HCRTR1: variants seen among roughly 807,000 people sequenced by gnomAD.
HCRTR1 encodes hypocretin receptor 1.
A neutral mutation model predicts 40.6 loss-of-function variants in HCRTR1; 28 were observed. The observed-to-expected ratio is 0.69, with a 90% CI of 0.51 to 0.95. The LOEUF is 0.95. Among genes scored for constraint, HCRTR1 ranks in the 40% least tolerant of loss-of-function variants. The pLI, the probability that HCRTR1 is intolerant of heterozygous loss-of-function variation, is 0.00. For missense variants in HCRTR1, 482 were observed against 564.7 expected, an observed-to-expected ratio of 0.85 and a Z score of 1.48; for synonymous variants, 209 against 230.0, an observed-to-expected ratio of 0.91 and a Z score of 0.83.
In HCRTR1 at chr1:31,623,605, G is replaced by A. The variant is rs755298261; in HGVS notation, c.821G>A (p.Gly274Glu). The A allele has an allele frequency of 3.1e-6, 5 of 1,613,564 alleles. No individual in the cohort carries two copies. Among genetic ancestry groups the A allele is most frequent in the Non-Finnish European group, 4.2e-6 (5 of 1,180,008 alleles). The change falls in exon 7 of 9, where the codon GGA (glycine) becomes GAA (glutamate). Residue 274 changes from glycine (G) to glutamate (E), a missense_variant. Gly to Glu is a moderately conservative substitution (Grantham distance 98). Transcript: ENST00000403528. The part of the protein sequence containing the change: ...QLGDLEQGLS[G>E]EPQPRARAFL... ...GGGGACCTGGAGCAGGGCCTGAGTG[G>A]AGAGCCCCAGCCCCGGGCCCGCGCC...
rs1312871175 is a variant in HCRTR1 at position 31,626,800 on chromosome 1, G to C, written c.1098G>C (p.Arg366=). Residue 366 remains arginine (R), a synonymous_variant, in exon 9 of 9, where the codon CGG becomes CGC. Coordinates refer to ENST00000403528, the MANE Select transcript of HCRTR1 (RefSeq NM_001525.3). This position sits in a 1 kb window ranked among gnomAD's most constrained non-coding sequence, Gnocchi z 4.6. ...TGTCTCCCAACCAAGGCAAATTCCG[G>C]GAGCAGTTTAAGGCTGCCTTCTCCT... is the stretch of plus-strand genomic sequence containing the variant. ...IIYNFLSGKF[R]EQFKAAFSCC... 6.2e-7 allele frequency: 1 copy of C among 1,613,228 alleles called. No homozygotes were observed. Among genetic ancestry groups the C allele is most frequent in the South Asian group, 1.1e-5 (1 of 90,996 alleles).
In HCRTR1 at chr1:31,619,256, C is replaced by T. The variant is rs1414591897; in HGVS notation, c.64C>T (p.Pro22Ser). 6.2e-7 allele frequency: 1 copy of T among 1,613,880 alleles called. No individual in the cohort carries two copies. Among genetic ancestry groups the T allele is most frequent in the Non-Finnish European group, 8.5e-7 (1 of 1,180,048 alleles). ...CCCCCCTGGCAGCAGAGAGCCGTCC[C>T]CTGTGCCTCCAGACTATGAAGATGA... ...GVPPGSREPS[P>S]VPPDYEDEFL... Residue 22 changes from proline to serine, a missense_variant, in exon 3 of 9, where the codon CCT becomes TCT. Pro to Ser is a moderately conservative substitution (Grantham distance 74). Transcript: ENST00000403528.
At chr1:31,631,359 C>G (rs1640098969), downstream of HCRTR1, among the ~76,000 whole-genome samples, 7 of 152,202 alleles carry the variant, frequency 4.6e-5, no homozygotes, top group South Asian at 1.4e-3. Context: ...TCATGTAAAG[C>G]ACTTAGCACA....
intron 7 of HCRTR1, 125 bp downstream of exon 7, chr1:31,623,874 C>G: frequency 1.5e-6 from 1 of 668,354 alleles, no homozygotes; most frequent in Non-Finnish European, 2.6e-6. Flanking sequence ...GGCCATTTCT[C>G]TTCTCTGAGC....
chr1:31,618,943 A>G, intron 2 of HCRTR1, 108 bp from the exon 3 acceptor site: 3 of 527,780 alleles, frequency 5.7e-6, no homozygotes, highest in Non-Finnish European at 1.0e-5. Flanking sequence ...CACCAATTTC[A>G]TGACTGTGAG....
chr1:31,619,215 G>A lies in HCRTR1; in HGVS notation c.23G>A (p.Gly8Glu), dbSNP rs1409834318. 4 of 1,612,596 alleles carry A rather than the reference G, an allele frequency of 2.5e-6. No individual in the cohort carries two copies. Among genetic ancestry groups the A allele is most frequent in the East Asian group, 4.5e-5 (2 of 44,866 alleles). MEPSATP[G>E]AQMGVPPGSR... Reference sequence around the variant, plus strand: ...CTCATGGAGCCCTCAGCCACCCCAGGGGCCCAGATGGGGGTCCCCCCTGGC... The same window carrying A: ...CTCATGGAGCCCTCAGCCACCCCAGAGGCCCAGATGGGGGTCCCCCCTGGC... Residue 8 changes from glycine (G) to glutamate (E), a missense_variant, in exon 3 of 9, where the codon GGG becomes GAG. Coordinates refer to ENST00000403528, the MANE Select transcript of HCRTR1 (RefSeq NM_001525.3).
chr1:31,626,778 C>A lies in HCRTR1; in HGVS notation c.1088-12C>A. The A allele has an allele frequency of 6.4e-7, 1 of 1,551,198 alleles. No individual in the cohort carries two copies. On this transcript the variant is annotated splice_polypyrimidine_tract_variant and intron_variant, in intron 8 of 8. Coordinates refer to ENST00000403528, the MANE Select transcript of HCRTR1 (RefSeq NM_001525.3). The surrounding 1 kb of genome is among the most constrained non-coding windows in gnomAD (Gnocchi z 4.6). ...GTCTCCTTATGGCTGTGTCTTTTGT[C>A]TCCCAACCAAGGCAAATTCCGGGAG...
At chr1:31,624,934 C>A in intron 7 of HCRTR1, 63 bp from the exon 8 acceptor site, 1 of 1,492,092 alleles carries the variant, frequency 6.7e-7, no homozygotes, top group African/African-American at 1.4e-5. Flanking sequence ...CTGTGAGCAG[C>A]ACTCCCCCAG....
chr1:31,622,171 G>T (rs1639870371), intron 6 of HCRTR1, among the ~76,000 whole-genome samples: 1 of 152,228 alleles, frequency 6.6e-6, no homozygotes, highest in Non-Finnish European at 1.5e-5. Flanking sequence ...TCCAGGGCCT[G>T]TCTTCTTTCC....
chr1:31,633,048 C>A, downstream of HCRTR1: 1 of 1,310,000 alleles, frequency 7.6e-7, no homozygotes. Flanking sequence ...CACAGTCCTC[C>A]CTGGTCAATG....
chr1:31,620,267 C>A (rs1639824224), intron 4 of HCRTR1, among the ~76,000 whole-genome samples: 1 of 152,246 alleles, frequency 6.6e-6, no homozygotes, highest in South Asian at 2.1e-4. Context: ...TGCCCACACA[C>A]CTCTGACCCA....
In HCRTR1 at chr1:31,617,810, C is replaced by T. The variant is rs915055915; in HGVS notation, c.-275C>T. Reference sequence around the variant, plus strand: ...GCCCCTAGAGGCTCGGCCTTCCTCGCAGGAAGGCGAAGTCCCCGGTGCCAG... The same window carrying T: ...GCCCCTAGAGGCTCGGCCTTCCTCGTAGGAAGGCGAAGTCCCCGGTGCCAG... On this transcript the variant is annotated 5_prime_UTR_variant, in exon 1 of 9. Transcript: ENST00000403528. 2.0e-5 allele frequency: 3 copies of T among 152,148 alleles called. No individual in the cohort carries two copies. Among genetic ancestry groups the T allele is most frequent in the African/African-American group, 7.2e-5 (3 of 41,448 alleles). The allele number at this position is 152,148 out of a possible 1,614,324, so 9.4% of individuals were successfully genotyped here.
Position 31,627,192 on chromosome 1 carries a change from CTG to C in HCRTR1, c.*215_*216del. On this transcript the variant is annotated 3_prime_UTR_variant, in exon 9 of 9. Transcript: ENST00000403528. Reference sequence around the variant, plus strand: ...AAGCAAGTGGAAAGCTCCTTGTAAACTGTGAAGTGTTGTGGACATGATTATTG... The same window carrying C: ...AAGCAAGTGGAAAGCTCCTTGTAAACTGAAGTGTTGTGGACATGATTATTG... 5 of 1,473,882 alleles carry C rather than the reference CTG, an allele frequency of 3.4e-6. No homozygotes were observed. Among genetic ancestry groups the C allele is most frequent in the South Asian group, 1.3e-5 (1 of 76,430 alleles). The allele number at this position is 1,473,882 out of a possible 1,614,324, so 91.3% of individuals were successfully genotyped here.
In HCRTR1 at chr1:31,625,229, T is replaced by C; in HGVS notation, c.1087+111T>C. 1 of 1,284,300 alleles carries C rather than the reference T, an allele frequency of 7.8e-7. No individual in the cohort carries two copies. Among genetic ancestry groups the C allele is most frequent in the South Asian group, 1.5e-5 (1 of 64,658 alleles). The allele number at this position is 1,284,300 out of a possible 1,614,324, so 79.6% of individuals were successfully genotyped here. ...AAAGGATGGTGGGTGAGGATGTACC[T>C]GCTGTGGGCACAGTGATCCTGCTCT... On this transcript the variant is annotated intron_variant, in intron 8 of 8. Coordinates refer to ENST00000403528, the MANE Select transcript of HCRTR1 (RefSeq NM_001525.3). The surrounding 1 kb of genome is among the most constrained non-coding windows in gnomAD (Gnocchi z 4.2).
At chr1:31,629,426 G>A (rs575906424), downstream of HCRTR1, among the ~76,000 whole-genome samples, 7 of 152,298 alleles carry the variant, frequency 4.6e-5, no homozygotes, top group Admixed American at 3.3e-4. Context: ...AGAGACACTC[G>A]GTGTAGACTG....
At chr1:31,621,705 C>A in intron 6 of HCRTR1, 113 bp downstream of exon 6, 1 of 774,938 alleles carries the variant, frequency 1.3e-6, no homozygotes, top group Admixed American at 2.2e-5. Context: ...GCCATCTTGG[C>A]TGCAACCAAA....
chr1:31,628,734 G>A (rs1640025848), downstream of HCRTR1, among the ~76,000 whole-genome samples: 1 of 152,204 alleles, frequency 6.6e-6, no homozygotes, highest in South Asian at 2.1e-4. Flanking sequence ...CCTCCACTCT[G>A]GGGGACTCAG....
In HCRTR1 at chr1:31,623,589, G is replaced by A. The variant is rs926530473; in HGVS notation, c.805G>A (p.Glu269Lys). 4 of 1,613,438 alleles carry A rather than the reference G, an allele frequency of 2.5e-6. No homozygotes were observed. The African/African-American group carries it at 5.3e-5, about 22-fold the overall frequency. The change falls in exon 7 of 9, where the codon GAG (glutamate) becomes AAG (lysine). Residue 269 changes from glutamate to lysine, a missense_variant. Transcript: ENST00000403528. Reference protein sequence around the residue: ...KRPSDQLGDLEQGLSGEPQPR... With the variant: ...KRPSDQLGDLKQGLSGEPQPR... ...CCCCTCAGACCAGCTGGGGGACCTGGAGCAGGGCCTGAGTGGAGAGCCCCA... is the reference window on the plus strand; with the variant it reads ...CCCCTCAGACCAGCTGGGGGACCTGAAGCAGGGCCTGAGTGGAGAGCCCCA...
Position 31,621,091 on chromosome 1 carries a change from T to G in HCRTR1, c.622+5T>G. ...TCTGTGATGAACGCTGGGCAGGTAA[T>G]GGTGGAAGCCTCAAGCAGGCATCCC... On this transcript the variant is annotated splice_donor_5th_base_variant and intron_variant, in intron 5 of 8. Coordinates refer to ENST00000403528, the MANE Select transcript of HCRTR1 (RefSeq NM_001525.3). 1 of 1,599,526 alleles carries G rather than the reference T, an allele frequency of 6.3e-7. No homozygotes were observed. The highest frequency in any genetic ancestry group is 1.1e-5 in the South Asian group (1 of 90,888).
Sources: gnomAD v4.1 joint callset for allele counts (sites outside exome capture counted in the v4.1 genomes callset) on GRCh38, gnomAD v4.1.1 for gene constraint, Gnocchi (gnomAD v3.1) non-coding constraint, MANE v1.5 for transcripts, NCBI Gene and HGNC (gene_info 2026-07-23, HGNC 2026-07-21) for gene names.